The following HPSE2 variants were observed in gnomAD, a reference collection of about 807,000 sequenced individuals.
HPSE2 encodes inactive heparanase-2.
In HPSE2, 38 loss-of-function variants were observed where a neutral mutation model predicts 60.5. The observed-to-expected ratio is 0.63, with a 90% CI of 0.48 to 0.82. The LOEUF (loss-of-function observed/expected upper bound fraction) is 0.82. Ranked by LOEUF, HPSE2 falls within the 40% of genes least tolerant of loss-of-function variation. The probability of loss-of-function intolerance (pLI) is 0.00; values close to 1 mark genes in which losing one functional copy is unlikely to be tolerated. For missense variants in HPSE2, 713 were observed against 740.4 expected, an observed-to-expected ratio of 0.96 and a Z score of 0.43; for synonymous variants, 295 against 293.2, an observed-to-expected ratio of 1.01 and a Z score of -0.06.
intron 2 of HPSE2, among the ~76,000 whole-genome samples, chr10:99,159,642 T>C (rs953292391): frequency 2.6e-5 from 4 of 152,154 alleles, no homozygotes; most frequent in African/African-American, 7.2e-5. Flanking sequence ...CCTTACATCA[T>C]ATACAAAAGA....
intron 3 of HPSE2, among the ~76,000 whole-genome samples, chr10:98,981,923 C>T (rs1189681646): frequency 6.6e-6 from 1 of 152,042 alleles, no homozygotes; most frequent in Non-Finnish European, 1.5e-5. Context: ...TGGAACAATG[C>T]AATACCCTCC....
chr10:99,234,667 A>T (rs1849779702), intron 1 of HPSE2, among the ~76,000 whole-genome samples: 1 of 152,180 alleles, frequency 6.6e-6, no homozygotes, highest in African/African-American at 2.4e-5. Flanking sequence ...CCTAGAGCAA[A>T]GGGGATCACA....
intron 3 of HPSE2, among the ~76,000 whole-genome samples, chr10:98,872,870 T>C (rs1277813215): frequency 6.6e-6 from 1 of 152,178 alleles, no homozygotes; most frequent in East Asian, 1.9e-4. Flanking sequence ...CTCAGTAAAC[T>C]TGTATGAATA....
At chr10:98,910,219 C>T (rs984180741) in intron 3 of HPSE2, among the ~76,000 whole-genome samples, 3 of 152,156 alleles carry the variant, frequency 2.0e-5, no homozygotes, top group Admixed American at 2.0e-4. Context: ...GCTAGTACTT[C>T]TGGTGCCCAG....
At chr10:98,874,970 G>A (rs1003955255) in intron 3 of HPSE2, among the ~76,000 whole-genome samples, 4 of 152,010 alleles carry the variant, frequency 2.6e-5, no homozygotes, top group South Asian at 2.1e-4. Flanking sequence ...TGACTTGATC[G>A]TGGTGGATAA....
At chr10:99,256,114 A>G in the HPSE2 span, among the ~76,000 whole-genome samples, 1 of 151,746 alleles carries the variant, frequency 6.6e-6, no homozygotes, top group African/African-American at 2.4e-5. Flanking sequence ...ATCTGCCCCC[A>G]TGATCCAATC....
chr10:99,194,193 T>A (rs1848316215), intron 2 of HPSE2, among the ~76,000 whole-genome samples: 1 of 151,694 alleles, frequency 6.6e-6, no homozygotes, highest in Non-Finnish European at 1.5e-5. Context: ...ATGAAGAAAC[T>A]AAGAAGAAAA....
intron 3 of HPSE2, among the ~76,000 whole-genome samples, chr10:98,797,382 A>T (rs1950800866): frequency 6.6e-6 from 1 of 152,200 alleles, no homozygotes; most frequent in Non-Finnish European, 1.5e-5. Context: ...AGCAAAATTG[A>T]TCAAGAAAGA....
At chr10:98,764,707 A>C (rs1950081283) in intron 3 of HPSE2, among the ~76,000 whole-genome samples, 1 of 152,026 alleles carries the variant, frequency 6.6e-6, no homozygotes, top group Non-Finnish European at 1.5e-5. Flanking sequence ...AAACACAAAA[A>C]TTAGCCGGGT....
chr10:98,859,681 C>T (rs1952407319), intron 3 of HPSE2, among the ~76,000 whole-genome samples: 1 of 152,118 alleles, frequency 6.6e-6, no homozygotes, highest in Non-Finnish European at 1.5e-5. Flanking sequence ...GGAAGTTAAT[C>T]ATAGCCACCT....
chr10:98,607,229 C>T (rs76384883), intron 9 of HPSE2, among the ~76,000 whole-genome samples: 11,333 of 152,174 alleles, frequency 0.074, 587 homozygotes, highest in South Asian at 0.18. Context: ...CTGCACGTTG[C>T]TTCAAGGATG....
the HPSE2 span, among the ~76,000 whole-genome samples, chr10:99,298,767 C>T: frequency 1.7e-4 from 26 of 151,976 alleles, no homozygotes; most frequent in South Asian, 4.2e-4. Flanking sequence ...CTCTGCCTTC[C>T]GGGTTCGAGA....
At chr10:99,181,504 G>A (rs916831102) in intron 2 of HPSE2, among the ~76,000 whole-genome samples, 11 of 152,046 alleles carry the variant, frequency 7.2e-5, no homozygotes, top group African/African-American at 2.7e-4. Context: ...ATGATAGACT[G>A]GATAAAGAAA....
At chr10:98,984,180 G>A (rs761752162) in intron 3 of HPSE2, among the ~76,000 whole-genome samples, 2 of 152,196 alleles carry the variant, frequency 1.3e-5, no homozygotes, top group Non-Finnish European at 2.9e-5. Context: ...ATCTGAGAAC[G>A]GGCAGACTGC....
intron 4 of HPSE2, among the ~76,000 whole-genome samples, chr10:98,740,948 G>C (rs1012026640): frequency 1.3e-5 from 2 of 152,104 alleles, no homozygotes; most frequent in African/African-American, 2.4e-5. Context: ...GATATCTTAA[G>C]AGAGATGATT....
chr10:99,075,303 A>G (rs549965628), intron 3 of HPSE2, among the ~76,000 whole-genome samples: 1 of 152,196 alleles, frequency 6.6e-6, no homozygotes, highest in African/African-American at 2.4e-5. Flanking sequence ...CTTCAGGGGT[A>G]TGCTGTTTAA....
the HPSE2 span, among the ~76,000 whole-genome samples, chr10:99,303,767 A>T: frequency 0.017 from 2,541 of 152,226 alleles, 106 homozygotes; most frequent in East Asian, 0.16. Context: ...TGGGTAGGAA[A>T]AGGCACTTTA....
chr10:99,103,487 T>C (rs928066856), intron 3 of HPSE2, among the ~76,000 whole-genome samples: 8 of 151,958 alleles, frequency 5.3e-5, no homozygotes, highest in Non-Finnish European at 1.0e-4. Flanking sequence ...TAAAAGAGGA[T>C]ACAAACAAAT....
chr10:98,621,093 C>T (rs1946062444), intron 7 of HPSE2, among the ~76,000 whole-genome samples: 3 of 152,046 alleles, frequency 2.0e-5, no homozygotes, highest in African/African-American at 7.3e-5. Flanking sequence ...ACATCTATGA[C>T]ACACGTACTC....
Sources: allele counts gnomAD v4.1 joint callset (sites outside exome capture counted in the v4.1 genomes callset), GRCh38; gene constraint gnomAD v4.1.1; transcripts MANE v1.5; gene names NCBI Gene and HGNC (gene_info 2026-07-23, HGNC 2026-07-21).